The following DDHD1 variants were observed in gnomAD, a reference collection of about 807,000 sequenced individuals.
DDHD1 encodes the protein DDHD domain containing 1.
A neutral mutation model predicts 96.4 loss-of-function variants in DDHD1; 49 were observed. The observed-to-expected ratio is 0.51, with a 90% CI of 0.40 to 0.64. The LOEUF (loss-of-function observed/expected upper bound fraction) is 0.64, where lower values mean the gene tolerates loss of function less well. DDHD1 is among the 30% of genes least tolerant of loss of function. The probability of loss-of-function intolerance (pLI) is 0.00; values close to 1 mark genes in which losing one functional copy is unlikely to be tolerated. For synonymous variants in DDHD1, 442 were observed against 446.5 expected (o/e 0.99, Z 0.13); for missense variants, 1,106 against 1,161.2 (o/e 0.95, Z 0.69).
chr14:53,151,315 A>G (rs1457989876), intron 1 of DDHD1, among the ~76,000 whole-genome samples: 4 of 152,226 alleles, frequency 2.6e-5, no homozygotes, highest in East Asian at 3.8e-4. Flanking sequence ...TTAAAAGTGT[A>G]TATTACATAT....
chr14:53,120,089 G>A (rs965198801), intron 1 of DDHD1, among the ~76,000 whole-genome samples: 8 of 152,178 alleles, frequency 5.3e-5, no homozygotes, highest in Non-Finnish European at 8.8e-5. Context: ...CTGATAAGCA[G>A]CTTCAGCAAA....
At chr14:53,052,605 C>G (rs568415543) in intron 11 of DDHD1, 2 of 152,120 alleles carry the variant, frequency 1.3e-5, no homozygotes, top group Admixed American at 1.3e-4. Flanking sequence ...ACACAGATTA[C>G]ATTATTGAAG....
At chr14:53,058,836 C>A (rs540470260) in intron 8 of DDHD1, among the ~76,000 whole-genome samples, 1 of 152,224 alleles carries the variant, frequency 6.6e-6, no homozygotes, top group East Asian at 1.9e-4. Flanking sequence ...ATCTTTAAAT[C>A]TAATACAAGT....
intron 1 of DDHD1, among the ~76,000 whole-genome samples, chr14:53,126,171 C>T (rs995062250): frequency 6.6e-6 from 1 of 152,234 alleles, no homozygotes; most frequent in South Asian, 2.1e-4. Flanking sequence ...TAAATCTGAT[C>T]ATTTACCCAA....
intron 4 of DDHD1, among the ~76,000 whole-genome samples, chr14:53,074,880 T>G (rs913207272): frequency 1.7e-4 from 26 of 152,210 alleles, no homozygotes; most frequent in African/African-American, 6.3e-4. Flanking sequence ...GCTCACTCTG[T>G]GTCTCTGTGT....
At position 53,057,787 on chromosome 14, in the gene DDHD1, G is replaced by A. The variant is rs145725020; in HGVS notation, c.1992+690C>T. ...GAGCCCTAAATTAACCAAAACACAC[G>A]TTTAATAATCAGATAAATGAAGTGT... On this transcript the variant is annotated intron_variant, in intron 9 of 12. Transcript: ENST00000673822. Among the ~76,000 whole-genome samples the A allele has an allele frequency of 3.2e-3, 481 of 152,270 alleles. 1 individual carries two copies. Among genetic ancestry groups the A allele is most frequent in the Middle Eastern group, 0.031 (9 of 294 alleles).
At chr14:53,151,551 C>A (rs1891368952) in intron 1 of DDHD1, among the ~76,000 whole-genome samples, 1 of 152,208 alleles carries the variant, frequency 6.6e-6, no homozygotes, top group Non-Finnish European at 1.5e-5. Flanking sequence ...TTTACTTTCA[C>A]AACAATCCCG....
rs1362238619 is a variant in DDHD1 at position 53,046,781 on chromosome 14, A to C, written c.2690T>G (p.Leu897Ter). 13 of 1,607,738 alleles carry C rather than the reference A, an allele frequency of 8.1e-6. No homozygotes were observed. Among genetic ancestry groups the C allele is most frequent in the Non-Finnish European group, 1.1e-5 (13 of 1,176,980 alleles). ...CTTCAAGAGAGTTCAGATTGGATCT[A>C]AATTGGGTTTTGCATCATCATCGTG... ...HEHDDDAKPN[L>*]DPI The change falls in exon 13 of 13, where the codon TTA becomes TGA. Residue 897 changes from leucine to a stop codon, truncating the protein, a stop_gained. Coordinates refer to ENST00000673822, the MANE Select transcript of DDHD1 (RefSeq NM_001160148.2). LOFTEE classifies it high-confidence loss of function.
chr14:53,125,396 T>C (rs551466505), intron 1 of DDHD1, among the ~76,000 whole-genome samples: 61 of 152,332 alleles, frequency 4.0e-4, no homozygotes, highest in African/African-American at 1.5e-3. Context: ...ATAACCTGCA[T>C]AGATATGGAA....
intron 6 of DDHD1, among the ~76,000 whole-genome samples, chr14:53,066,484 G>C (rs1198738803): frequency 6.6e-6 from 1 of 152,076 alleles, no homozygotes; most frequent in Admixed American, 6.5e-5. Flanking sequence ...AGAGAAGAAG[G>C]GGGAAAAAGG....
At chr14:53,103,643 T>C (rs936969684) in intron 2 of DDHD1, 40 bp downstream of exon 2, 23 of 1,463,462 alleles carry the variant, frequency 1.6e-5, no homozygotes, top group South Asian at 4.3e-5. Context: ...AACAACTTAC[T>C]TGGTTTGTAG....
rs1265768124 is a variant in DDHD1, at chr14:53,152,929, G to A, written c.170C>T (p.Ala57Val). Residue 57 changes from alanine to valine, a missense_variant, in exon 1 of 13, where the codon GCC becomes GTC. This residue lies in a region of DDHD1 where 456 missense variants were observed against 402.4 expected (regional missense o/e 1.13). Coordinates refer to ENST00000673822, the MANE Select transcript of DDHD1 (RefSeq NM_001160148.2). ...CAGCCCGGGTTCCCCGCGCAGCAGG[G>A]CCAGGGGCACGTCGCCGTCGTCCGG... ...GDPDDGDVPL[A>V]LLRGEPGLHL... is the part of the protein sequence containing the mutation. The A allele has an allele frequency of 3.7e-5, 59 of 1,605,194 alleles. No homozygotes were observed. The highest frequency in any genetic ancestry group is 4.3e-5 in the Non-Finnish European group (51 of 1,177,142).
chr14:53,116,197 C>T (rs1326001952), intron 1 of DDHD1, among the ~76,000 whole-genome samples: 2 of 152,162 alleles, frequency 1.3e-5, no homozygotes, highest in African/African-American at 4.8e-5. Flanking sequence ...TATACACACC[C>T]AATACGGGAG....
intron 7 of DDHD1, among the ~76,000 whole-genome samples, chr14:53,062,718 G>GAAA (rs1160393619): frequency 1.3e-4 from 20 of 152,134 alleles, no homozygotes; most frequent in African/African-American, 4.6e-4. Flanking sequence ...ACGATGAAAG[G>GAAA]AAAACAAGGA....
At chr14:53,085,576 C>CA (rs1191056573) in intron 4 of DDHD1, among the ~76,000 whole-genome samples, 2 of 152,102 alleles carry the variant, frequency 1.3e-5, no homozygotes, top group Non-Finnish European at 2.9e-5. Context: ...AGAAGGAAAA[C>CA]AAACAAACAG....
intron 1 of DDHD1, among the ~76,000 whole-genome samples, chr14:53,125,299 T>C (rs1889341010): frequency 2.6e-5 from 4 of 152,220 alleles, no homozygotes; most frequent in Admixed American, 2.6e-4. Context: ...AAGTTTAATA[T>C]TTTGGTGGAT....
At chr14:53,136,363 C>T (rs902784216) in intron 1 of DDHD1, among the ~76,000 whole-genome samples, 13 of 152,196 alleles carry the variant, frequency 8.5e-5, no homozygotes, top group African/African-American at 3.1e-4. Context: ...GGCAATAGCA[C>T]AGGGAAAGTT....
chr14:53,038,022 A>G lies in DDHD1; in HGVS notation c.*8746T>C, dbSNP rs997733205. On this transcript the variant is annotated 3_prime_UTR_variant, in exon 13 of 13. Transcript: ENST00000673822. ...ATCCCTCATGATAAAACCCCTCAAC[A>G]GACTAGGTATCAAAGGAACATATCT... is the stretch of plus-strand genomic sequence containing the variant. The G allele has an allele frequency of 2.0e-5, 3 of 152,108 alleles. No homozygotes were observed. The highest frequency in any genetic ancestry group is 7.2e-5 in the African/African-American group (3 of 41,444). 9.4% of individuals were successfully genotyped at this position (152,108 alleles called of 1,614,324 possible).
chr14:53,120,239 C>G (rs1888880598), intron 1 of DDHD1, among the ~76,000 whole-genome samples: 2 of 152,094 alleles, frequency 1.3e-5, no homozygotes, highest in South Asian at 4.1e-4. Flanking sequence ...ATACAACTTA[C>G]AAGGGACGTG....
Sources: gnomAD v4.1 joint callset for allele counts (sites outside exome capture counted in the v4.1 genomes callset) on GRCh38, gnomAD v4.1.1 for gene constraint, gnomAD v4.1.1 regional missense constraint, MANE v1.5 for transcripts, NCBI Gene and HGNC (gene_info 2026-07-23, HGNC 2026-07-21) for gene names.